Variants in IQCB1 observed in about 807,000 individuals in gnomAD.
IQCB1 encodes IQ calmodulin-binding motif-containing protein 1.
A neutral mutation model predicts 84.4 loss-of-function variants in IQCB1; 56 were observed. The observed-to-expected ratio is 0.66, with a 90% CI of 0.54 to 0.83. The LOEUF (loss-of-function observed/expected upper bound fraction) is 0.83. Ranked by LOEUF, IQCB1 falls within the 40% of genes least tolerant of loss-of-function variation. The probability of loss-of-function intolerance (pLI) is 0.00; values close to 1 mark genes in which losing one functional copy is unlikely to be tolerated. For missense variants in IQCB1, 629 were observed against 682.1 expected, an observed-to-expected ratio of 0.92 and a Z score of 0.87; for synonymous variants, 210 against 234.8, an observed-to-expected ratio of 0.89 and a Z score of 0.96.
chr3:121,780,488 AAGGGT>A (rs1447647538), intron 13 of IQCB1, among the ~76,000 whole-genome samples: 2 of 152,154 alleles, frequency 1.3e-5, no homozygotes, highest in Non-Finnish European at 2.9e-5. Flanking sequence ...CCTGATATAG[AAGGGT>A]AGTCTTTTCC....
chr3:121,775,432 C>T (rs944177050), intron 13 of IQCB1, among the ~76,000 whole-genome samples: 8 of 152,078 alleles, frequency 5.3e-5, no homozygotes, highest in African/African-American at 1.4e-4. Flanking sequence ...AATGAGAACA[C>T]GTGGACGCAG....
intron 12 of IQCB1, among the ~76,000 whole-genome samples, chr3:121,784,169 T>C (rs1360857330): frequency 6.6e-6 from 1 of 150,678 alleles, no homozygotes; most frequent in East Asian, 1.9e-4. Context: ...CCTCCTAGAC[T>C]GGTAGTCTTT....
At position 121,786,170 on chromosome 3, in the gene IQCB1, C is replaced by CAAGAAAAGAAAAGAAAG; in HGVS notation, c.1278+2113_1278+2114insCTTTCTTTTCTTTTCTT. 2.1e-4 allele frequency among the ~76,000 whole-genome samples: 15 copies of CAAGAAAAGAAAAGAAAG among 72,868 alleles called. 1 individual carries two copies. Among genetic ancestry groups the CAAGAAAAGAAAAGAAAG allele is most frequent in the Admixed American group, 1.2e-3 (6 of 5,166 alleles). The allele number at this position is 72,868 out of a possible 152,430, so 47.8% of individuals were successfully genotyped here. A position where few individuals can be genotyped will look rare whatever the true frequency, so the allele number is the denominator to read the frequency against. On this transcript the variant is annotated intron_variant, in intron 12 of 14. Coordinates refer to ENST00000310864, the MANE Select transcript of IQCB1 (RefSeq NM_001023570.4). ...TGGGAGACAGAGAGAGATTCTGTCTCAAAAGAAAAGAAAAGAAAAGAAAAG... is the reference window on the plus strand; with the variant it reads ...TGGGAGACAGAGAGAGATTCTGTCTCAAGAAAAGAAAAGAAAGAAAAGAAAAGAAAAGAAAAGAAAAG...
intron 12 of IQCB1, among the ~76,000 whole-genome samples, chr3:121,782,536 G>C (rs1948543744): frequency 6.6e-6 from 1 of 151,890 alleles, no homozygotes; most frequent in African/African-American, 2.4e-5. Context: ...GTGTGATTTT[G>C]TTTTTGTTTT....
Position 121,808,957 on chromosome 3 carries a change from A to G in IQCB1, c.446T>C (p.Leu149Pro), listed in dbSNP as rs1949717977. Reference protein sequence around the residue: ...LHFFQIVTDSLFWLLGGHVEL... With the variant: ...LHFFQIVTDSPFWLLGGHVEL... ...AACATGGCCTCCCAAAAGCCAGAAGAGAGAATCAGTCACAATTTGGAAAAA... is the reference window on the plus strand; with the variant it reads ...AACATGGCCTCCCAAAAGCCAGAAGGGAGAATCAGTCACAATTTGGAAAAA... The change falls in exon 6 of 15, where the codon CTC (leucine) becomes CCC (proline). Residue 149 changes from leucine (L) to proline (P), a missense_variant. By Grantham distance (98) the Leu-to-Pro change is moderately conservative (BLOSUM62 -3). Transcript: ENST00000310864. The G allele has an allele frequency of 6.2e-7, 1 of 1,611,292 alleles. No individual in the cohort carries two copies. The highest frequency in any genetic ancestry group is 1.7e-5 in the Admixed American group (1 of 59,910).
chr3:121,773,881 A>G lies in IQCB1; in HGVS notation c.1411-1168T>C, dbSNP rs1372284813. 3.9e-5 allele frequency among the ~76,000 whole-genome samples: 6 copies of G among 152,122 alleles called. No homozygotes were observed. In the East Asian group the frequency reaches 1.2e-3, roughly 29 times the overall value. ...TTCATACGACACCAAAGCACAGGAA[A>G]AAAAAAACAACAACAAAAACCAGAC... is the stretch of plus-strand genomic sequence containing the variant. On this transcript the variant is annotated intron_variant, in intron 13 of 14. Coordinates refer to ENST00000310864, the MANE Select transcript of IQCB1 (RefSeq NM_001023570.4).
intron 2 of IQCB1, among the ~76,000 whole-genome samples, chr3:121,832,658 A>C (rs996356678): frequency 6.6e-6 from 1 of 152,228 alleles, no homozygotes; most frequent in African/African-American, 2.4e-5. Context: ...GAAATATAAC[A>C]ATCTTTTCCT....
intron 5 of IQCB1, 145 bp from the exon 6 acceptor site, chr3:121,809,154 T>A: frequency 1.6e-6 from 1 of 606,978 alleles, no homozygotes; most frequent in Non-Finnish European, 2.9e-6. Flanking sequence ...TTTGTTGCCT[T>A]TAGTTTCTTA....
At chr3:121,828,815 C>T (rs1369366163) in intron 3 of IQCB1, 46 bp downstream of exon 3, 1 of 1,218,956 alleles carries the variant, frequency 8.2e-7, no homozygotes. Context: ...ACGATGGAAC[C>T]ATTTTTCACT....
chr3:121,813,807 C>G (rs551631009), intron 5 of IQCB1, among the ~76,000 whole-genome samples: 2 of 152,132 alleles, frequency 1.3e-5, no homozygotes, highest in Non-Finnish European at 2.9e-5. Flanking sequence ...GACTTAGACT[C>G]CCACACAATA....
At chr3:121,784,430 T>C (rs1025848575) in intron 12 of IQCB1, among the ~76,000 whole-genome samples, 12 of 152,164 alleles carry the variant, frequency 7.9e-5, no homozygotes, top group Non-Finnish European at 1.6e-4. Flanking sequence ...TCAAATTTTA[T>C]TCTGTGTGCT....
At chr3:121,822,273 C>G (rs1267516283) in intron 5 of IQCB1, among the ~76,000 whole-genome samples, 2 of 152,214 alleles carry the variant, frequency 1.3e-5, no homozygotes, top group African/African-American at 4.8e-5. Context: ...CTTTCTTTCT[C>G]TCTCTCCATA....
chr3:121,813,895 C>T (rs1217803405), intron 5 of IQCB1, among the ~76,000 whole-genome samples: 1 of 152,120 alleles, frequency 6.6e-6, no homozygotes, highest in African/African-American at 2.4e-5. Flanking sequence ...ATATTCAGGA[C>T]TCGAACTCAG....
In IQCB1 at chr3:121,803,723, C is replaced by A. The variant is rs183173304; in HGVS notation, c.587+3621G>T. 1.5e-3 allele frequency among the ~76,000 whole-genome samples: 232 copies of A among 152,212 alleles called. 2 individuals are homozygous for A. The South Asian group carries it at 0.029, about 19-fold the overall frequency. ...AACCTTCTTTAGCACTAGAAATATT[C>A]TTTGTTCTGTAACTTACTTTATCTG... On this transcript the variant is annotated intron_variant, in intron 7 of 14. Transcript: ENST00000310864.
intron 5 of IQCB1, among the ~76,000 whole-genome samples, chr3:121,821,406 T>A (rs1950269605): frequency 6.6e-6 from 1 of 152,200 alleles, no homozygotes; most frequent in Non-Finnish European, 1.5e-5. Flanking sequence ...CCAAATCTCA[T>A]CCATGCTTTA....
At chr3:121,805,207 A>C (rs1392993383) in intron 7 of IQCB1, among the ~76,000 whole-genome samples, 1 of 152,158 alleles carries the variant, frequency 6.6e-6, no homozygotes, top group Non-Finnish European at 1.5e-5. Flanking sequence ...AGTACCAGTA[A>C]AATCAAATCA....
chr3:121,784,724 C>T (rs943375397), intron 12 of IQCB1, among the ~76,000 whole-genome samples: 2 of 152,148 alleles, frequency 1.3e-5, no homozygotes, highest in East Asian at 3.9e-4. Context: ...CTCTGTCACC[C>T]TGGCTGGAGT....
intron 13 of IQCB1, among the ~76,000 whole-genome samples, chr3:121,775,009 T>C (rs6438660): frequency 0.24 from 36,866 of 152,048 alleles, 5,068 homozygotes; most frequent in Admixed American, 0.42. Flanking sequence ...GGGGCTTGGG[T>C]ATGTAATTTT....
At chr3:121,823,556 T>C (rs1950347861) in intron 5 of IQCB1, among the ~76,000 whole-genome samples, 2 of 152,264 alleles carry the variant, frequency 1.3e-5, no homozygotes, top group South Asian at 2.1e-4. Flanking sequence ...GAAAAAAATC[T>C]TTAAAGTGCA....
Sources: allele counts gnomAD v4.1 joint callset (sites outside exome capture counted in the v4.1 genomes callset), GRCh38; gene constraint gnomAD v4.1.1; transcripts MANE v1.5; gene names NCBI Gene and HGNC (gene_info 2026-07-23, HGNC 2026-07-21).